Variants in DYNC1H1 observed in about 807,000 individuals in gnomAD.
DYNC1H1 encodes the protein dynein cytoplasmic 1 heavy chain 1, also known as cytoplasmic dynein 1 heavy chain 1.
In DYNC1H1, 51 loss-of-function variants were observed where a neutral mutation model predicts 527.1. The observed-to-expected ratio is 0.10, with a 90% CI of 0.08 to 0.12. DYNC1H1 has a LOEUF of 0.12. Among genes scored for constraint, DYNC1H1 ranks in the 10% least tolerant of loss-of-function variants. The pLI is 1.00. For synonymous variants in DYNC1H1, 2,189 were observed against 2,278.8 expected (o/e 0.96, Z 1.12); for missense variants, 2,771 against 5,971.8 (o/e 0.46, Z 17.66).
At position 102,039,077 on chromosome 14, in the gene DYNC1H1, G is replaced by A; in HGVS notation, c.11283G>A (p.Leu3761=). 1 of 1,614,210 alleles carries A rather than the reference G, an allele frequency of 6.2e-7. No individual in the cohort carries two copies. Among genetic ancestry groups the A allele is most frequent in the Non-Finnish European group, 8.5e-7 (1 of 1,180,040 alleles). ...QALNEVKGRI[L]DDDTIITTLE... Reference sequence around the variant, plus strand: ...TGAACGAGGTGAAAGGGCGCATTTTGGATGACGACACGATCATAACCACTC... The same window carrying A: ...TGAACGAGGTGAAAGGGCGCATTTTAGATGACGACACGATCATAACCACTC... Residue 3761 remains leucine, a synonymous_variant, in exon 60 of 78, where the codon TTG becomes TTA. Transcript: ENST00000360184. This position sits in a 1 kb window ranked among gnomAD's most constrained non-coding sequence, Gnocchi z 7.0.
chr14:101,995,796 C>G (rs1346555848), intron 15 of DYNC1H1, among the ~76,000 whole-genome samples: 1 of 152,162 alleles, frequency 6.6e-6, no homozygotes, highest in East Asian at 1.9e-4. Flanking sequence ...CACGGTGGCT[C>G]ATGCCTGTAA....
Position 101,982,999 on chromosome 14 carries a change from CTCTT to C in DYNC1H1, c.962-16_962-13del. The C allele has an allele frequency of 1.9e-6, 3 of 1,604,140 alleles. No homozygotes were observed. Reference sequence around the variant, plus strand: ...TGTTACTTTATGTGAAAACCATTAACTCTTTCTCTGTTAATATAGGTCTAAAACA... The same window carrying C: ...TGTTACTTTATGTGAAAACCATTAACTCTCTGTTAATATAGGTCTAAAACA... On this transcript the variant is annotated splice_polypyrimidine_tract_variant and intron_variant, in intron 5 of 77. Coordinates refer to ENST00000360184, the MANE Select transcript of DYNC1H1 (RefSeq NM_001376.5).
chr14:102,027,120 A>G lies in DYNC1H1; in HGVS notation c.8772-54A>G. 1 of 1,563,594 alleles carries G rather than the reference A, an allele frequency of 6.4e-7. No individual in the cohort carries two copies. The highest frequency in any genetic ancestry group is 8.8e-7 in the Non-Finnish European group (1 of 1,134,202). ...CTGTAGACACTAGATATGAGTCAAA[A>G]GGGGAATGAGGCATTATAAGCCTTA... On this transcript the variant is annotated intron_variant, in intron 44 of 77. Transcript: ENST00000360184. The surrounding 1 kb of genome is among the most constrained non-coding windows in gnomAD (Gnocchi z 7.7).
intron 34 of DYNC1H1, among the ~76,000 whole-genome samples, chr14:102,013,320 CAA>C (rs975084895): frequency 7.5e-6 from 1 of 133,406 alleles, no homozygotes; most frequent in Non-Finnish European, 1.6e-5. Context: ...ATTGGACAAA[CAA>C]AATGAATAGT....
intron 29 of DYNC1H1, 54 bp from the exon 30 acceptor site, chr14:102,009,789 T>C: frequency 6.2e-7 from 1 of 1,609,716 alleles, no homozygotes; most frequent in South Asian, 1.1e-5. Flanking sequence ...TTAGAATGCA[T>C]TTTGTTTTTT....
At position 102,027,033 on chromosome 14, in the gene DYNC1H1, C is replaced by T; in HGVS notation, c.8772-141C>T. The T allele has an allele frequency of 9.5e-7, 1 of 1,056,512 alleles. No homozygotes were observed. The allele number at this position is 1,056,512 out of a possible 1,614,324, so 65.4% of individuals were successfully genotyped here. On this transcript the variant is annotated intron_variant, in intron 44 of 77. Coordinates refer to ENST00000360184, the MANE Select transcript of DYNC1H1 (RefSeq NM_001376.5). This position sits in a 1 kb window ranked among gnomAD's most constrained non-coding sequence, Gnocchi z 7.7. ...GTCTTTGCATTCCTCCTGGACTTCACAAATAACAGTTGCTCAGCAAATGTT... is the reference window on the plus strand; with the variant it reads ...GTCTTTGCATTCCTCCTGGACTTCATAAATAACAGTTGCTCAGCAAATGTT...
chr14:102,043,296 A>AG, intron 69 of DYNC1H1: 5 of 205,046 alleles, frequency 2.4e-5, no homozygotes, highest in Non-Finnish European at 5.0e-5. Flanking sequence ...AAAAAAAAAA[A>AG]AAAAGACCTG....
Position 102,002,024 on chromosome 14 carries a change from T to C in DYNC1H1, c.4542+343T>C, listed in dbSNP as rs912347713. Among the ~76,000 whole-genome samples the C allele has an allele frequency of 6.6e-6, 1 of 152,082 alleles. No homozygotes were observed. Among genetic ancestry groups the C allele is most frequent in the Non-Finnish European group, 1.5e-5 (1 of 68,014 alleles). On this transcript the variant is annotated intron_variant, in intron 21 of 77. Transcript: ENST00000360184. This position sits in a 1 kb window ranked among gnomAD's most constrained non-coding sequence, Gnocchi z 4.4. ...CTGGGCTTAAGCAGTCCTTCTGCACTGGCCTCCTAAAGTGCCGGGATTACA... is the reference window on the plus strand; with the variant it reads ...CTGGGCTTAAGCAGTCCTTCTGCACCGGCCTCCTAAAGTGCCGGGATTACA...
chr14:102,049,187 A>C lies in DYNC1H1; in HGVS notation c.13373-253A>C, dbSNP rs2048769759. 1.8e-6 allele frequency: 1 copy of C among 566,732 alleles called. No individual in the cohort carries two copies. Among genetic ancestry groups the C allele is most frequent in the African/African-American group, 1.9e-5 (1 of 53,178 alleles). The allele number at this position is 566,732 out of a possible 1,614,324, so 35.1% of individuals were successfully genotyped here. A position where few individuals can be genotyped will look rare whatever the true frequency, so the allele number is the denominator to read the frequency against. On this transcript the variant is annotated intron_variant, in intron 74 of 77. Coordinates refer to ENST00000360184, the MANE Select transcript of DYNC1H1 (RefSeq NM_001376.5). The surrounding 1 kb of genome is among the most constrained non-coding windows in gnomAD (Gnocchi z 5.5). ...TGCTTGGATGTGATTATGGTCCTCC[A>C]GAAAGACACACCTGGACTAATTTGA... is the stretch of plus-strand genomic sequence containing the variant.
rs574231095 is a variant in DYNC1H1, at chr14:101,974,287, C to T, written c.257-1425C>T. Among the ~76,000 whole-genome samples the T allele has an allele frequency of 1.2e-4, 18 of 152,220 alleles. No individual in the cohort carries two copies. The South Asian group carries it at 1.7e-3, about 14-fold the overall frequency. Reference sequence around the variant, plus strand: ...GCTAATTTTGTATTTTTAGCAGAGACGGGGTTTCTCCTTGTTTGTCAGGCT... The same window carrying T: ...GCTAATTTTGTATTTTTAGCAGAGATGGGGTTTCTCCTTGTTTGTCAGGCT... On this transcript the variant is annotated intron_variant, in intron 1 of 77. Transcript: ENST00000360184.
Position 102,015,171 on chromosome 14 carries a change from A to G in DYNC1H1, c.7081A>G (p.Met2361Val). The G allele has an allele frequency of 6.2e-7, 1 of 1,614,214 alleles. No individual in the cohort carries two copies. The highest frequency in any genetic ancestry group is 8.5e-7 in the Non-Finnish European group (1 of 1,180,036). Residue 2361 changes from methionine to valine, a missense_variant, in exon 35 of 78, where the codon ATG becomes GTG. By Grantham distance (21) the Met-to-Val change is conservative. Coordinates refer to ENST00000360184, the MANE Select transcript of DYNC1H1 (RefSeq NM_001376.5). This position sits in a 1 kb window ranked among gnomAD's most constrained non-coding sequence, Gnocchi z 6.9. ...CTTGGCCACAGTGTCGCGCTGCGGC[A>G]TGGTCTGGTTCAGTGAGGATGTGCT... ...ATLATVSRCGMVWFSEDVLST... is the reference protein window; with the variant it reads ...ATLATVSRCGVVWFSEDVLST...
rs898351881 is a variant in DYNC1H1, at chr14:102,033,913, C to A, written c.10414-63C>A. ...CACATAATGTGGATGAACCGATTTG[C>A]AGGATTCGGTATAAATCCTGAAAGG... On this transcript the variant is annotated intron_variant, in intron 54 of 77. Coordinates refer to ENST00000360184, the MANE Select transcript of DYNC1H1 (RefSeq NM_001376.5). The surrounding 1 kb of genome is among the most constrained non-coding windows in gnomAD (Gnocchi z 5.6). 7.6e-6 allele frequency: 12 copies of A among 1,569,724 alleles called. No individual in the cohort carries two copies. Among genetic ancestry groups the A allele is most frequent in the Non-Finnish European group, 1.0e-5 (12 of 1,144,258 alleles).
At position 101,997,125 on chromosome 14, in the gene DYNC1H1, G is replaced by A. The variant is rs1301519837; in HGVS notation, c.3655G>A (p.Gly1219Arg). The A allele has an allele frequency of 1.2e-6, 2 of 1,614,188 alleles. No homozygotes were observed. The highest frequency in any genetic ancestry group is 2.2e-5 in the South Asian group (2 of 91,080). The change falls in exon 16 of 78, where the codon GGA (glycine) becomes AGA (arginine). Residue 1219 changes from glycine (G) to arginine (R), a missense_variant. Coordinates refer to ENST00000360184, the MANE Select transcript of DYNC1H1 (RefSeq NM_001376.5). This position sits in a 1 kb window ranked among gnomAD's most constrained non-coding sequence, Gnocchi z 4.8. ...LYIDNIEGEW[G>R]AFNDIMRRKD... ...TATTGACAACATCGAGGGAGAGTGG[G>A]GAGCCTTCAATGACATCATGCGGCG...
rs1309264985 is a variant in DYNC1H1 at position 102,051,919 on chromosome 14, C to T, written c.*1356C>T. 1 of 152,020 alleles carries T rather than the reference C, an allele frequency of 6.6e-6. No homozygotes were observed. Among genetic ancestry groups the T allele is most frequent in the Non-Finnish European group, 1.5e-5 (1 of 68,080 alleles). 9.4% of individuals were successfully genotyped at this position (152,020 alleles called of 1,614,324 possible). On this transcript the variant is annotated 3_prime_UTR_variant, in exon 78 of 78. Coordinates refer to ENST00000360184, the MANE Select transcript of DYNC1H1 (RefSeq NM_001376.5). ...GGCCAGGCTGGTCTCAAACTCCTGG[C>T]CTCAGCCAGTGATCCTCCTGCCTCA...
rs200674036 is a variant in DYNC1H1 at position 101,983,626 on chromosome 14, A to G, written c.1461+17A>G. The stretch of plus-strand genomic sequence containing the variant: ...AGGCCACAGGTAAGATTTGCATTCT[A>G]AAAGTTTGTGTTTTGTTTTTGTTTT... On this transcript the variant is annotated intron_variant, in intron 7 of 77. Coordinates refer to ENST00000360184, the MANE Select transcript of DYNC1H1 (RefSeq NM_001376.5). The surrounding 1 kb of genome is among the most constrained non-coding windows in gnomAD (Gnocchi z 5.3). 21 of 1,611,060 alleles carry G rather than the reference A, an allele frequency of 1.3e-5. No individual in the cohort carries two copies. The African/African-American group carries it at 2.4e-4, about 18-fold the overall frequency.
In DYNC1H1 at chr14:101,983,176, T is replaced by C; in HGVS notation, c.1119T>C (p.Pro373=). The change falls in exon 6 of 78, where the codon CCT becomes CCC. Residue 373 remains proline, a synonymous_variant. Coordinates refer to ENST00000360184, the MANE Select transcript of DYNC1H1 (RefSeq NM_001376.5). The surrounding 1 kb of genome is among the most constrained non-coding windows in gnomAD (Gnocchi z 5.3). ...HLRKIRNTKY[P]IQRALRLVEA... ...GAAAGATCCGAAACACAAAATATCCTATTCAGAGGGCACTGCGTTTGGTGG... is the reference window on the plus strand; with the variant it reads ...GAAAGATCCGAAACACAAAATATCCCATTCAGAGGGCACTGCGTTTGGTGG... 1.9e-6 allele frequency: 3 copies of C among 1,614,192 alleles called. No individual in the cohort carries two copies. The highest frequency in any genetic ancestry group is 2.5e-6 in the Non-Finnish European group (3 of 1,180,040).
At position 101,998,881 on chromosome 14, in the gene DYNC1H1, T is replaced by C. The variant is rs546959422; in HGVS notation, c.3805-1108T>C. On this transcript the variant is annotated intron_variant, in intron 16 of 77. Coordinates refer to ENST00000360184, the MANE Select transcript of DYNC1H1 (RefSeq NM_001376.5). ...ATGTGTTAGAGTTAAAACTTTTTCT[T>C]TTTTTTTTTTTTTTTTTTGAGACGG... Among the ~76,000 whole-genome samples, 250 of 133,108 alleles carry C rather than the reference T, an allele frequency of 1.9e-3. 3 individuals carry two copies. In the South Asian group the frequency reaches 0.023, roughly 12 times the overall value. The allele number at this position is 133,108 out of a possible 152,430, so 87.3% of individuals were successfully genotyped here.
intron 69 of DYNC1H1, chr14:102,043,502 C>A: frequency 2.8e-6 from 1 of 357,428 alleles, no homozygotes; most frequent in Non-Finnish European, 5.4e-6. Context: ...GCCCCCAAGA[C>A]CAAACAGAGC....
intron 43 of DYNC1H1, among the ~76,000 whole-genome samples, chr14:102,024,851 C>T (rs1038053743): frequency 2.6e-5 from 4 of 151,414 alleles, no homozygotes; most frequent in Non-Finnish European, 5.9e-5. Flanking sequence ...CCCGCCACCA[C>T]GCCCAGCTAA....
Sources: allele counts gnomAD v4.1 joint callset (sites outside exome capture counted in the v4.1 genomes callset), GRCh38; gene constraint gnomAD v4.1.1; non-coding constraint Gnocchi (gnomAD v3.1); transcripts MANE v1.5; gene names NCBI Gene and HGNC (gene_info 2026-07-23, HGNC 2026-07-21).